Variants in CNTNAP2 observed in about 807,000 individuals in gnomAD.
The protein encoded by CNTNAP2 is contactin associated protein 2, also known as contactin-associated protein-like 2.
CNTNAP2 carries 98 observed loss-of-function variants against 155.2 expected under a neutral mutation model. The ratio of observed to expected loss-of-function variants is 0.63; its 90% CI spans 0.54 to 0.75. The LOEUF (loss-of-function observed/expected upper bound fraction) is 0.75. CNTNAP2 is among the 30% of genes least tolerant of loss of function. The probability of loss-of-function intolerance (pLI) is 0.00; values close to 1 mark genes in which losing one functional copy is unlikely to be tolerated. For missense variants in CNTNAP2, 1,727 were observed against 1,688.1 expected, an observed-to-expected ratio of 1.02 and a Z score of -0.40; for synonymous variants, 651 against 631.2, an observed-to-expected ratio of 1.03 and a Z score of -0.47.
chr7:147,236,228 C>G (rs1361893657), intron 8 of CNTNAP2, among the ~76,000 whole-genome samples: 1 of 152,222 alleles, frequency 6.6e-6, no homozygotes, highest in Non-Finnish European at 1.5e-5. Context: ...TCAAGCCATT[C>G]TCACTTGAGA....
chr7:146,448,501 CTTTGTT>C (rs1307183661), intron 1 of CNTNAP2, among the ~76,000 whole-genome samples: 1 of 150,230 alleles, frequency 6.7e-6, no homozygotes, highest in East Asian at 2.0e-4. Flanking sequence ...TTTATAAGCA[CTTTGTT>C]TTTGTTTTTT....
At chr7:146,170,695 A>G (rs765837600) in intron 1 of CNTNAP2, among the ~76,000 whole-genome samples, 25 of 152,148 alleles carry the variant, frequency 1.6e-4, no homozygotes, top group Non-Finnish European at 3.4e-4. Flanking sequence ...CAAACAATTA[A>G]AACTAACTGA....
intron 1 of CNTNAP2, among the ~76,000 whole-genome samples, chr7:146,129,658 C>T (rs1228417383): frequency 6.6e-6 from 1 of 152,196 alleles, no homozygotes; most frequent in African/African-American, 2.4e-5. Flanking sequence ...TTCCACATAA[C>T]ACATTCAGTT....
At chr7:146,499,978 T>A (rs78868867) in intron 1 of CNTNAP2, among the ~76,000 whole-genome samples, 12,950 of 152,258 alleles carry the variant, frequency 0.085, 1,460 homozygotes, top group African/African-American at 0.26. Context: ...TTCTTTTTTA[T>A]ATCATTGTAA....
chr7:147,994,913 A>T (rs1801775528), intron 15 of CNTNAP2, among the ~76,000 whole-genome samples: 2 of 152,176 alleles, frequency 1.3e-5, no homozygotes, highest in Admixed American at 1.3e-4. Flanking sequence ...ATAAGGGGGA[A>T]CTGCTATAGT....
chr7:147,263,833 TAAA>T (rs1382965911), intron 8 of CNTNAP2, among the ~76,000 whole-genome samples: 1 of 152,136 alleles, frequency 6.6e-6, no homozygotes, highest in Non-Finnish European at 1.5e-5. Context: ...CCTAAATAAT[TAAA>T]AATCAGTTCA....
At chr7:146,304,676 G>A (rs1198810445) in intron 1 of CNTNAP2, among the ~76,000 whole-genome samples, 1 of 152,072 alleles carries the variant, frequency 6.6e-6, no homozygotes, top group African/African-American at 2.4e-5. Flanking sequence ...TGGGTAACCT[G>A]ACCTTTCTCT....
chr7:146,538,200 A>G (rs1252021636), intron 1 of CNTNAP2, among the ~76,000 whole-genome samples: 2 of 152,132 alleles, frequency 1.3e-5, no homozygotes, highest in East Asian at 3.9e-4. Flanking sequence ...TAATAGGATT[A>G]TCCAGTATCT....
intron 13 of CNTNAP2, among the ~76,000 whole-genome samples, chr7:147,860,757 A>G (rs1389735382): frequency 4.6e-5 from 7 of 152,116 alleles, no homozygotes; most frequent in Non-Finnish European, 1.0e-4. Context: ...CTTTCTTTAT[A>G]AATTACCGAG....
chr7:148,066,094 G>T (rs745894552), intron 15 of CNTNAP2, among the ~76,000 whole-genome samples: 5 of 152,114 alleles, frequency 3.3e-5, no homozygotes, highest in Admixed American at 6.6e-5. Flanking sequence ...TTTGTTTAAG[G>T]AGGCTAAAGA....
intron 14 of CNTNAP2, among the ~76,000 whole-genome samples, chr7:147,962,789 A>T: frequency 6.6e-6 from 1 of 152,320 alleles, no homozygotes; most frequent in South Asian, 2.1e-4. Flanking sequence ...GCTTTGTAAT[A>T]GATGAGGAAA....
intron 1 of CNTNAP2, among the ~76,000 whole-genome samples, chr7:146,153,196 A>G (rs7811558): frequency 0.32 from 48,855 of 151,958 alleles, 9,574 homozygotes; most frequent in African/African-American, 0.55. Context: ...ATTAAAAATG[A>G]CAAAATTTTA....
At chr7:147,850,105 G>T (rs950234790) in intron 13 of CNTNAP2, 1 of 152,106 alleles carries the variant, frequency 6.6e-6, no homozygotes, top group Non-Finnish European at 1.5e-5. Context: ...ACCTTTACTT[G>T]AGCAAAAAGA....
chr7:147,961,130 C>T (rs1801114761), intron 14 of CNTNAP2, among the ~76,000 whole-genome samples: 1 of 152,058 alleles, frequency 6.6e-6, no homozygotes, highest in Non-Finnish European at 1.5e-5. Context: ...GATCTCCTAC[C>T]TGGCTCCTTT....
At chr7:147,039,155 T>C (rs1323482464) in intron 3 of CNTNAP2, among the ~76,000 whole-genome samples, 3 of 152,038 alleles carry the variant, frequency 2.0e-5, no homozygotes, top group Non-Finnish European at 2.9e-5. Context: ...ACATATAACA[T>C]AGTGTCAGTA....
At chr7:146,798,750 AT>A (rs1187709389) in intron 2 of CNTNAP2, among the ~76,000 whole-genome samples, 2 of 151,978 alleles carry the variant, frequency 1.3e-5, no homozygotes, top group Non-Finnish European at 2.9e-5. Flanking sequence ...TTATGGGCAG[AT>A]TTTTTTTGGT....
At chr7:147,611,206 A>G (rs1335631447) in intron 12 of CNTNAP2, among the ~76,000 whole-genome samples, 1 of 152,160 alleles carries the variant, frequency 6.6e-6, no homozygotes, top group African/African-American at 2.4e-5. Flanking sequence ...CCAAGATGAC[A>G]TTTACTTAGC....
chr7:147,419,880 C>T (rs1274942584), intron 10 of CNTNAP2, among the ~76,000 whole-genome samples: 1 of 152,180 alleles, frequency 6.6e-6, no homozygotes, highest in Non-Finnish European at 1.5e-5. Flanking sequence ...ACTCTCTAAT[C>T]TGGGTGTCAT....
chr7:147,743,897 C>T (rs922694579), intron 13 of CNTNAP2, among the ~76,000 whole-genome samples: 2 of 152,090 alleles, frequency 1.3e-5, no homozygotes, highest in Admixed American at 6.5e-5. Context: ...GGTTAGGGGC[C>T]CTGGAGCCCC....
Sources: allele counts gnomAD v4.1 joint callset (sites outside exome capture counted in the v4.1 genomes callset), GRCh38; gene constraint gnomAD v4.1.1; transcripts MANE v1.5; gene names NCBI Gene and HGNC (gene_info 2026-07-23, HGNC 2026-07-21).